The following GPC6 variants were observed in gnomAD, a reference collection of about 807,000 sequenced individuals.
GPC6 encodes glypican 6.
A neutral mutation model predicts 55.2 loss-of-function variants in GPC6; 14 were observed. The observed-to-expected ratio is 0.25, with a 90% CI of 0.17 to 0.40. GPC6 has a LOEUF of 0.40. Among genes scored for constraint, GPC6 ranks in the 10% least tolerant of loss-of-function variants. The probability of loss-of-function intolerance (pLI) is 1.00; values close to 1 mark genes in which losing one functional copy is unlikely to be tolerated. For synonymous variants in GPC6, 278 were observed against 259.6 expected, an observed-to-expected ratio of 1.07 and a Z score of -0.68; for missense variants, 641 against 708.5, an observed-to-expected ratio of 0.90 and a Z score of 1.08.
At chr13:94,084,796 T>G (rs566316039) in intron 4 of GPC6, among the ~76,000 whole-genome samples, 22 of 152,160 alleles carry the variant, frequency 1.4e-4, no homozygotes, top group African/African-American at 5.3e-4. Context: ...ATATTACACT[T>G]TTTGTGCAGT....
intron 3 of GPC6, among the ~76,000 whole-genome samples, chr13:93,841,489 A>G (rs1287661727): frequency 6.6e-6 from 1 of 152,172 alleles, no homozygotes; most frequent in African/African-American, 2.4e-5. Context: ...CAATGGGTCA[A>G]TCTCAGATAC....
At chr13:93,261,967 C>T (rs1159689957) in intron 1 of GPC6, among the ~76,000 whole-genome samples, 2 of 145,624 alleles carry the variant, frequency 1.4e-5, no homozygotes, top group Middle Eastern at 3.2e-3. Context: ...CACACACACA[C>T]TTGCATATAT....
chr13:93,807,325 G>T (rs770029900), intron 2 of GPC6, among the ~76,000 whole-genome samples: 1 of 152,164 alleles, frequency 6.6e-6, no homozygotes, highest in African/African-American at 2.4e-5. Flanking sequence ...GAGATTTAAG[G>T]AAAGATCTCT....
At chr13:93,330,691 T>A (rs1489864375) in intron 1 of GPC6, among the ~76,000 whole-genome samples, 1 of 152,214 alleles carries the variant, frequency 6.6e-6, no homozygotes, top group South Asian at 2.1e-4. Context: ...CAACAGTGGC[T>A]GATCTCGATT....
At chr13:94,398,894 G>GAGTTTCA (rs1393132147) in intron 8 of GPC6, among the ~76,000 whole-genome samples, 1 of 152,176 alleles carries the variant, frequency 6.6e-6, no homozygotes, top group African/African-American at 2.4e-5. Context: ...AGCTGAAATT[G>GAGTTTCA]AGTTTCATCT....
chr13:93,878,140 T>C (rs1489475915), intron 3 of GPC6, among the ~76,000 whole-genome samples: 1 of 151,950 alleles, frequency 6.6e-6, no homozygotes, highest in Non-Finnish European at 1.5e-5. Context: ...GGGAGAGCGA[T>C]GGGGAGATAG....
At chr13:93,624,568 T>C (rs1879113890) in intron 2 of GPC6, among the ~76,000 whole-genome samples, 1 of 152,224 alleles carries the variant, frequency 6.6e-6, no homozygotes, top group African/African-American at 2.4e-5. Context: ...AGTGCAAATG[T>C]AATCTTTTAG....
At chr13:93,429,009 A>T (rs949405114) in intron 1 of GPC6, among the ~76,000 whole-genome samples, 4 of 152,058 alleles carry the variant, frequency 2.6e-5, no homozygotes, top group Non-Finnish European at 5.9e-5. Context: ...CCTATCTTCT[A>T]CCTGCATCCC....
At chr13:93,314,232 A>G (rs1879166604) in intron 1 of GPC6, among the ~76,000 whole-genome samples, 1 of 152,122 alleles carries the variant, frequency 6.6e-6, no homozygotes, top group African/African-American at 2.4e-5. Flanking sequence ...CCTGGAAATA[A>G]TACAACGTAA....
At chr13:93,855,329 G>T (rs971006841) in intron 3 of GPC6, among the ~76,000 whole-genome samples, 2 of 151,522 alleles carry the variant, frequency 1.3e-5, no homozygotes, top group African/African-American at 4.8e-5. Flanking sequence ...TGTTTGTGAG[G>T]TTTCTCCGTG....
intron 2 of GPC6, among the ~76,000 whole-genome samples, chr13:93,559,086 C>T (rs1246016671): frequency 6.6e-6 from 1 of 152,108 alleles, no homozygotes; most frequent in Non-Finnish European, 1.5e-5. Context: ...TGCTATTCTA[C>T]TTTTCAGATT....
At chr13:93,453,417 A>G (rs986026144) in intron 1 of GPC6, among the ~76,000 whole-genome samples, 1 of 151,998 alleles carries the variant, frequency 6.6e-6, no homozygotes, top group South Asian at 2.1e-4. Flanking sequence ...CTTACCATGT[A>G]CTGTGCACTT....
At chr13:94,105,452 A>G (rs1335837323) in intron 4 of GPC6, among the ~76,000 whole-genome samples, 1 of 152,244 alleles carries the variant, frequency 6.6e-6, no homozygotes, top group Non-Finnish European at 1.5e-5. Context: ...TAGATCTTCA[A>G]TATACAGATA....
rs149643176 is a variant in GPC6, at chr13:93,887,868, A to G, written c.711+57323A>G. On this transcript the variant is annotated intron_variant, in intron 3 of 8. Transcript: ENST00000377047. The stretch of plus-strand genomic sequence containing the variant: ...ATATCTACAACTAAAAATATAATGG[A>G]CCCATAAATGAACATAATTAGATCT... Among the ~76,000 whole-genome samples the G allele has an allele frequency of 8.8e-4, 134 of 152,168 alleles. 1 individual carries two copies. The highest frequency in any genetic ancestry group is 3.1e-3 in the African/African-American group (128 of 41,520).
At chr13:94,047,605 T>C (rs1883776387) in intron 4 of GPC6, among the ~76,000 whole-genome samples, 1 of 152,094 alleles carries the variant, frequency 6.6e-6, no homozygotes, top group Non-Finnish European at 1.5e-5. Context: ...CCACTCGGAT[T>C]TGCAAATTAC....
At chr13:93,807,257 C>T (rs1308838234) in intron 2 of GPC6, among the ~76,000 whole-genome samples, 1 of 152,072 alleles carries the variant, frequency 6.6e-6, no homozygotes, top group African/African-American at 2.4e-5. Context: ...GTAAGTAGCT[C>T]CTGCTGTTAC....
chr13:93,222,130 A>T (rs1875643028), upstream of GPC6, among the ~76,000 whole-genome samples: 1 of 152,210 alleles, frequency 6.6e-6, no homozygotes, highest in Non-Finnish European at 1.5e-5. Flanking sequence ...TACATGAGAT[A>T]GGGTAAGACC....
chr13:93,269,891 C>CAAA (rs529558741), intron 1 of GPC6, among the ~76,000 whole-genome samples: 18 of 52,532 alleles, frequency 3.4e-4, no homozygotes, highest in African/African-American at 7.0e-4. Flanking sequence ...GACTCCATCT[C>CAAA]AAAAAAAAAA....
chr13:94,288,659 A>T (rs1460330381), intron 5 of GPC6, among the ~76,000 whole-genome samples: 1 of 146,034 alleles, frequency 6.8e-6, no homozygotes, highest in African/African-American at 2.5e-5. Context: ...CTTACCTTTC[A>T]GTATGTCCAT....
Sources: allele counts gnomAD v4.1 joint callset (sites outside exome capture counted in the v4.1 genomes callset), GRCh38; gene constraint gnomAD v4.1.1; transcripts MANE v1.5; gene names NCBI Gene and HGNC (gene_info 2026-07-23, HGNC 2026-07-21).